CDKL3: variants seen among roughly 807,000 people sequenced by gnomAD.
The protein encoded by CDKL3 is cyclin dependent kinase like 3.
CDKL3 carries 65 observed loss-of-function variants against 69.3 expected under a neutral mutation model. That is an observed-to-expected ratio of 0.94 (90% CI 0.77 to 1.15). The LOEUF is 1.15. Among genes scored for constraint, CDKL3 ranks in the 50% most tolerant of loss-of-function variants. CDKL3 has a pLI of 0.00. For synonymous variants in CDKL3, 202 were observed against 221.6 expected, an observed-to-expected ratio of 0.91 and a Z score of 0.79; for missense variants, 652 against 689.2, an observed-to-expected ratio of 0.95 and a Z score of 0.61.
intron 3 of CDKL3, among the ~76,000 whole-genome samples, chr5:134,352,758 A>G (rs1464893007): frequency 6.6e-6 from 1 of 151,976 alleles, no homozygotes; most frequent in Non-Finnish European, 1.5e-5. Context: ...CCTTTGCCCA[A>G]TTTTTAATCA....
intron 8 of CDKL3, among the ~76,000 whole-genome samples, chr5:134,286,820 T>TACA (rs1764889515): frequency 1.3e-5 from 2 of 152,138 alleles, no homozygotes; most frequent in African/African-American, 4.8e-5. Context: ...AGGTCCCTCC[T>TACA]ACAACACGTG....
intron 12 of CDKL3, among the ~76,000 whole-genome samples, chr5:134,298,960 G>A (rs368167236): frequency 9.5e-4 from 145 of 151,946 alleles, no homozygotes; most frequent in African/African-American, 3.2e-3. Flanking sequence ...TACAACCTCC[G>A]CCTCCCGGGT....
At position 134,298,627 on chromosome 5, in the gene CDKL3, T is replaced by C. The variant is rs1351394852; in HGVS notation, c.*24A>G. 1.9e-6 allele frequency: 3 copies of C among 1,605,826 alleles called. No homozygotes were observed. The highest frequency in any genetic ancestry group is 2.5e-6 in the Non-Finnish European group (3 of 1,177,854). ...GGGAAGAGTTGTCATCTTGTATTTTTTGGACTATGTAAAAGAAAAGACACT... is the reference window on the plus strand; with the variant it reads ...GGGAAGAGTTGTCATCTTGTATTTTCTGGACTATGTAAAAGAAAAGACACT... On this transcript the variant is annotated 3_prime_UTR_variant, in exon 13 of 13. Coordinates refer to ENST00000265334, the MANE Select transcript of CDKL3 (RefSeq NM_001113575.2).
At chr5:134,358,025 G>A (rs1755040756) in intron 3 of CDKL3, among the ~76,000 whole-genome samples, 1 of 152,206 alleles carries the variant, frequency 6.6e-6, no homozygotes, top group African/African-American at 2.4e-5. Flanking sequence ...GCTGCAGTGA[G>A]CTATGATCAT....
At chr5:134,345,824 G>C (rs1751718853) in intron 4 of CDKL3, among the ~76,000 whole-genome samples, 2 of 152,162 alleles carry the variant, frequency 1.3e-5, no homozygotes, top group Non-Finnish European at 2.9e-5. Flanking sequence ...CAGGTCACAG[G>C]GGATATGATG....
intron 12 of CDKL3, among the ~76,000 whole-genome samples, chr5:134,301,853 CT>C (rs893215792): frequency 3.3e-5 from 5 of 152,128 alleles, no homozygotes; most frequent in African/African-American, 1.2e-4. Context: ...CGCCACTGCA[CT>C]CCAGCCTGGG....
intron 9 of CDKL3, among the ~76,000 whole-genome samples, chr5:134,307,746 ATTAT>A: frequency 1.3e-5 from 2 of 152,324 alleles, no homozygotes; most frequent in South Asian, 4.1e-4. Flanking sequence ...CTTACGAAAG[ATTAT>A]TTTTTTACTA....
At chr5:134,307,745 G>T (rs1208574422) in intron 9 of CDKL3, among the ~76,000 whole-genome samples, 1 of 152,156 alleles carries the variant, frequency 6.6e-6, no homozygotes, top group Non-Finnish European at 1.5e-5. Context: ...ACTTACGAAA[G>T]ATTATTTTTT....
At chr5:134,320,199 T>C (rs965576877) in intron 5 of CDKL3, among the ~76,000 whole-genome samples, 3 of 152,220 alleles carry the variant, frequency 2.0e-5, no homozygotes, top group African/African-American at 4.8e-5. Context: ...TCAGTAATTA[T>C]CCAGATTTCA....
At chr5:134,336,108 C>A (rs1777042773) in intron 4 of CDKL3, among the ~76,000 whole-genome samples, 2 of 152,176 alleles carry the variant, frequency 1.3e-5, no homozygotes, top group Non-Finnish European at 2.9e-5. Flanking sequence ...TCCACTTGAT[C>A]AAATCAGCTA....
At chr5:134,348,186 G>C (rs760226640) in intron 4 of CDKL3, among the ~76,000 whole-genome samples, 1 of 152,138 alleles carries the variant, frequency 6.6e-6, no homozygotes, top group Admixed American at 6.6e-5. Context: ...GCAGGAGTTC[G>C]AGACAGCCTG....
At position 134,312,390 on chromosome 5, in the gene CDKL3, G is replaced by A; in HGVS notation, c.793-10C>T. ...CAATTTGTAAACAAGCCTAGGAAAG[G>A]AAAAAGATTTTAATAAGTGAGCTCT... On this transcript the variant is annotated splice_polypyrimidine_tract_variant and intron_variant, in intron 6 of 12. Transcript: ENST00000265334. The A allele has an allele frequency of 6.5e-7, 1 of 1,531,738 alleles. No homozygotes were observed. 94.9% of individuals were successfully genotyped at this position (1,531,738 alleles called of 1,614,324 possible). A position where few individuals can be genotyped will look rare whatever the true frequency, so the allele number is the denominator to read the frequency against.
At chr5:134,362,651 A>G (rs1389742164) in intron 2 of CDKL3, among the ~76,000 whole-genome samples, 1 of 152,092 alleles carries the variant, frequency 6.6e-6, no homozygotes, top group Non-Finnish European at 1.5e-5. Context: ...AGTGAGTGCC[A>G]GGTGCAGTGG....
In CDKL3 at chr5:134,360,066, T is replaced by C. The variant is rs1404022253; in HGVS notation, c.191A>G (p.Asn64Ser). ...LKQFHHENLV[N>S]LIEVFRQKKK... ...TTTCTGTCTAAAAACTTCAATCAGA[T>C]TGACCAGGTTTTCGTGATGAAATTG... The change falls in exon 3 of 13, where the codon AAT becomes AGT. Residue 64 changes from asparagine (N) to serine (S), a missense_variant. Asn to Ser is a conservative substitution (Grantham distance 46, BLOSUM62 1). Transcript: ENST00000265334. The C allele has an allele frequency of 3.9e-6, 6 of 1,540,416 alleles. No homozygotes were observed. The African/African-American group carries it at 6.9e-5, about 18-fold the overall frequency.
At chr5:134,290,353 CAA>C (rs1212709645) in intron 8 of CDKL3, among the ~76,000 whole-genome samples, 325 of 24,646 alleles carry the variant, frequency 0.013, no homozygotes, top group Middle Eastern at 0.048. Flanking sequence ...GACTCTGTCT[CAA>C]AAAAAAAAAA....
At position 134,321,859 on chromosome 5, in the gene CDKL3, G is replaced by C; in HGVS notation, c.584C>G (p.Ala195Gly). 1.2e-6 allele frequency: 2 copies of C among 1,612,452 alleles called. No individual in the cohort carries two copies. Among genetic ancestry groups the C allele is most frequent in the Non-Finnish European group, 1.7e-6 (2 of 1,178,924 alleles). ...ACTAGGAAGATAGGGATTTCCAGTG[G>C]CCATCTCAATGATCATACAGCCCAA... ...WALGCMIIEM[A>G]TGNPYLPSSS... The change falls in exon 5 of 13, where the codon GCC becomes GGC. Residue 195 changes from alanine to glycine, a missense_variant. Physicochemically the swap from Ala to Gly is moderately conservative, Grantham distance 60. Coordinates refer to ENST00000265334, the MANE Select transcript of CDKL3 (RefSeq NM_001113575.2).
chr5:134,364,094 A>T (rs1483751793), intron 2 of CDKL3, among the ~76,000 whole-genome samples: 3 of 152,246 alleles, frequency 2.0e-5, no homozygotes. Context: ...CATATGAAAC[A>T]GCTATACTAT....
At position 134,319,471 on chromosome 5, in the gene CDKL3, T is replaced by C. The variant is rs1164041127; in HGVS notation, c.679A>G (p.Ile227Val). The change falls in exon 6 of 13, where the codon ATC becomes GTC. Residue 227 changes from isoleucine (I) to valine (V), a missense_variant. By Grantham distance (29) the Ile-to-Val change is conservative. Transcript: ENST00000265334. ...GCAAAAATGGGGCTCTTGGAAAAGA[T>C]ATTCTGCAAGTGAGGTGACAAATTG... is the stretch of plus-strand genomic sequence containing the variant. ...VGNLSPHLQNIFSKSPIFAGV... is the reference protein window; with the variant it reads ...VGNLSPHLQNVFSKSPIFAGV... 6 of 1,532,254 alleles carry C rather than the reference T, an allele frequency of 3.9e-6. No homozygotes were observed. Among genetic ancestry groups the C allele is most frequent in the Non-Finnish European group, 5.3e-6 (6 of 1,142,036 alleles). 94.9% of individuals were successfully genotyped at this position (1,532,254 alleles called of 1,614,324 possible).
intron 3 of CDKL3, among the ~76,000 whole-genome samples, chr5:134,357,065 T>A (rs918631414): frequency 8.5e-5 from 13 of 152,206 alleles, no homozygotes; most frequent in Non-Finnish European, 1.8e-4. Context: ...TTTTCTCAAC[T>A]ATAGTCTTTG....
Sources: gnomAD v4.1 joint callset for allele counts (sites outside exome capture counted in the v4.1 genomes callset) on GRCh38, gnomAD v4.1.1 for gene constraint, MANE v1.5 for transcripts, NCBI Gene and HGNC (gene_info 2026-07-23, HGNC 2026-07-21) for gene names.